The following SEMA4D variants were observed in gnomAD, a reference collection of about 807,000 sequenced individuals.
The protein encoded by SEMA4D is semaphorin-4D.
Under a neutral mutation model 74.8 loss-of-function variants are expected in SEMA4D, and 22 were observed. The ratio of observed to expected loss-of-function variants is 0.29; its 90% confidence interval spans 0.21 to 0.42. The LOEUF (loss-of-function observed/expected upper bound fraction) is 0.42, where lower values mean the gene tolerates loss of function less well. SEMA4D is among the 10% of genes least tolerant of loss of function. The probability of loss-of-function intolerance (pLI) is 1.00; values close to 1 mark genes in which losing one functional copy is unlikely to be tolerated. For synonymous variants in SEMA4D, 445 were observed against 463.7 expected (o/e 0.96, Z 0.52); for missense variants, 937 against 1,118.4 (o/e 0.84, Z 2.31).
At chr9:89,485,914 C>G (rs1481121082) in intron 1 of SEMA4D, among the ~76,000 whole-genome samples, 1 of 151,668 alleles carries the variant, frequency 6.6e-6, no homozygotes, top group African/African-American at 2.4e-5. Flanking sequence ...GGCTTCACCA[C>G]TTCTTGGCTG....
intron 2 of SEMA4D, among the ~76,000 whole-genome samples, chr9:89,408,711 G>A (rs1220321516): frequency 6.6e-6 from 1 of 152,190 alleles, no homozygotes; most frequent in African/African-American, 2.4e-5. Context: ...GCCTTGGAAA[G>A]GGTTCTTGTC....
At chr9:89,472,490 G>A (rs543929682) in intron 1 of SEMA4D, 2 of 269,078 alleles carry the variant, frequency 7.4e-6, no homozygotes, top group South Asian at 4.4e-5. Context: ...TGTAAGATTT[G>A]TGACAAAAAT....
chr9:89,368,919 C>T (rs1834109731), intron 16 of SEMA4D: 1 of 152,286 alleles, frequency 6.6e-6, no homozygotes, highest in Admixed American at 6.5e-5. Context: ...GGGAAGGCAC[C>T]ACTGAGGCAC....
At chr9:89,490,682 C>A (rs1374221716) in intron 1 of SEMA4D, among the ~76,000 whole-genome samples, 1 of 152,198 alleles carries the variant, frequency 6.6e-6, no homozygotes, top group Non-Finnish European at 1.5e-5. Context: ...ATATCTTCAA[C>A]TTAATGATGG....
At chr9:89,387,654 C>A (rs184619660) in intron 11 of SEMA4D, 46 bp from the exon 12 acceptor site, 230 of 1,569,888 alleles carry the variant, frequency 1.5e-4, no homozygotes, top group Non-Finnish European at 2.0e-4. Flanking sequence ...TGTCCCACCA[C>A]GCAACGGGTG....
At chr9:89,387,036 A>C (rs556190970) in intron 12 of SEMA4D, 2 of 241,576 alleles carry the variant, frequency 8.3e-6, no homozygotes, top group East Asian at 1.9e-4. Flanking sequence ...AGCAGTCAGG[A>C]AACGCCAGGC....
At chr9:89,366,319 T>G (rs1317401113) in intron 16 of SEMA4D, among the ~76,000 whole-genome samples, 1 of 152,150 alleles carries the variant, frequency 6.6e-6, no homozygotes, top group Non-Finnish European at 1.5e-5. Context: ...TATACTTCCC[T>G]GGAGTTTCCA....
chr9:89,455,382 T>TG (rs1224032944), intron 2 of SEMA4D, among the ~76,000 whole-genome samples: 5 of 152,156 alleles, frequency 3.3e-5, no homozygotes, highest in Non-Finnish European at 7.4e-5. Flanking sequence ...ACACGGGGCA[T>TG]GGGGGGTGTG....
chr9:89,448,235 C>CAA (rs1054625278), intron 2 of SEMA4D, among the ~76,000 whole-genome samples: 2 of 152,254 alleles, frequency 1.3e-5, no homozygotes, highest in African/African-American at 4.8e-5. Context: ...CTCGGCCTAT[C>CAA]AAAGTGCTGG....
intron 2 of SEMA4D, among the ~76,000 whole-genome samples, chr9:89,437,551 G>C (rs4073714): frequency 6.6e-6 from 1 of 152,050 alleles, no homozygotes; most frequent in African/African-American, 2.4e-5. Context: ...GCTGCGGTGC[G>C]CCCTGAGAGG....
At chr9:89,427,891 G>T (rs760870121) in intron 2 of SEMA4D, among the ~76,000 whole-genome samples, 1 of 152,170 alleles carries the variant, frequency 6.6e-6, no homozygotes, top group Non-Finnish European at 1.5e-5. Context: ...TCACCTTCCA[G>T]GTCTGAGAGC....
intron 16 of SEMA4D, among the ~76,000 whole-genome samples, chr9:89,371,763 TG>T (rs1453099876): frequency 2.0e-5 from 1 of 48,818 alleles, no homozygotes; most frequent in Non-Finnish European, 3.7e-5. Flanking sequence ...GGTGTGTGTG[TG>T]GGGGGTGTGG....
At chr9:89,441,143 T>TTAAGGG (rs1281442203) in intron 2 of SEMA4D, among the ~76,000 whole-genome samples, 1 of 152,226 alleles carries the variant, frequency 6.6e-6, no homozygotes, top group African/African-American at 2.4e-5. Flanking sequence ...AAAGTCTTAT[T>TTAAGGG]ACACATTGTA....
chr9:89,418,529 A>G lies in SEMA4D; in HGVS notation c.-243-12830T>C. ...TTCATGAGGCAAAGAAGGAAAAAGC[A>G]GAAACACATATGGCATAATTACAAG... On this transcript the variant is annotated intron_variant, in intron 2 of 15. Coordinates refer to ENST00000422704, the MANE Select transcript of SEMA4D (RefSeq NM_001371194.2). 5.6e-6 allele frequency: 3 copies of G among 539,288 alleles called. No homozygotes were observed. The South Asian group carries it at 2.4e-4, about 43-fold the overall frequency. 33.4% of individuals were successfully genotyped at this position (539,288 alleles called of 1,614,324 possible).
intron 13 of SEMA4D, chr9:89,385,158 G>A (rs1838162036): frequency 1.1e-6 from 1 of 885,970 alleles, no homozygotes; most frequent in Non-Finnish European, 1.4e-6. Flanking sequence ...AACCCCCTCT[G>A]TGCGGCCCTC....
rs184128229 is a variant in SEMA4D at position 89,396,967 on chromosome 9, C to A, written c.316-132G>T. The A allele has an allele frequency of 7.4e-4, 558 of 749,698 alleles. 4 individuals carry two copies. The East Asian group carries it at 0.014, about 19-fold the overall frequency. The allele number at this position is 749,698 out of a possible 1,614,324, so 46.4% of individuals were successfully genotyped here. A position where few individuals can be genotyped will look rare whatever the true frequency, so the allele number is the denominator to read the frequency against. ...ACACCAGCTCACAGGTGGCCCCAGGCCAACGAGGCATGTGTGCATTCTCAG... is the reference window on the plus strand; with the variant it reads ...ACACCAGCTCACAGGTGGCCCCAGGACAACGAGGCATGTGTGCATTCTCAG... On this transcript the variant is annotated intron_variant, in intron 5 of 15. Coordinates refer to ENST00000422704, the MANE Select transcript of SEMA4D (RefSeq NM_001371194.2).
Position 89,381,052 on chromosome 9 carries a change from C to T in SEMA4D, c.1663+3G>A. 1 of 1,614,108 alleles carries T rather than the reference C, an allele frequency of 6.2e-7. No individual in the cohort carries two copies. The highest frequency in any genetic ancestry group is 8.5e-7 in the Non-Finnish European group (1 of 1,180,038). Reference sequence around the variant, plus strand: ...GGAAATGGGACGTCGAGGAGTCACTCACCCGGGCACACAGAAGCATCGCCG... The same window carrying T: ...GGAAATGGGACGTCGAGGAGTCACTTACCCGGGCACACAGAAGCATCGCCG... On this transcript the variant is annotated splice_donor_region_variant and intron_variant, in intron 15 of 15. Coordinates refer to ENST00000422704, the MANE Select transcript of SEMA4D (RefSeq NM_001371194.2). This position sits in a 1 kb window ranked among gnomAD's most constrained non-coding sequence, Gnocchi z 4.6.
At chr9:89,454,144 A>G (rs1357361156) in intron 2 of SEMA4D, among the ~76,000 whole-genome samples, 2 of 152,204 alleles carry the variant, frequency 1.3e-5, no homozygotes, top group Non-Finnish European at 2.9e-5. Flanking sequence ...CAGACTATCT[A>G]TGATGTGAAA....
At chr9:89,402,423 T>C (rs183110322) in intron 4 of SEMA4D, among the ~76,000 whole-genome samples, 9 of 152,282 alleles carry the variant, frequency 5.9e-5, no homozygotes, top group Admixed American at 5.9e-4. Context: ...CGGTGAAATA[T>C]GAACACTGGC....
Sources: gnomAD v4.1 joint callset for allele counts (sites outside exome capture counted in the v4.1 genomes callset) on GRCh38, gnomAD v4.1.1 for gene constraint, Gnocchi (gnomAD v3.1) non-coding constraint, MANE v1.5 for transcripts, NCBI Gene and HGNC (gene_info 2026-07-23, HGNC 2026-07-21) for gene names.